The following TPRG1 variants were observed in gnomAD, a reference collection of about 807,000 sequenced individuals.
The protein encoded by TPRG1 is tumor protein p63-regulated gene 1 protein.
TPRG1 carries 29 observed loss-of-function variants against 29.3 expected under a neutral mutation model. That is an observed-to-expected ratio of 0.99 (90% CI 0.74 to 1.35). The LOEUF (loss-of-function observed/expected upper bound fraction) is 1.35, where lower values mean the gene tolerates loss of function less well. Among genes scored for constraint, TPRG1 ranks in the 40% most tolerant of loss-of-function variants. The probability of loss-of-function intolerance (pLI) is 0.00; values close to 1 mark genes in which losing one functional copy is unlikely to be tolerated. For synonymous variants in TPRG1, 130 were observed against 116.8 expected, an observed-to-expected ratio of 1.11 and a Z score of -0.73; for missense variants, 327 against 335.0, an observed-to-expected ratio of 0.98 and a Z score of 0.19.
intron 5 of TPRG1, among the ~76,000 whole-genome samples, chr3:189,160,226 T>C (rs1186112405): frequency 2.6e-5 from 4 of 152,138 alleles, no homozygotes; most frequent in Admixed American, 2.6e-4. Flanking sequence ...CCCAGTCAAT[T>C]GGCAGGTTGA....
rs565934383 is a variant in TPRG1 at position 189,080,923 on chromosome 3, C to A, written c.-462-46134C>A. ...CAGGGTAGATTTGAGTGAGAAGAGA[C>A]CAGAGGCAGGAAAGCCACAAAGGAA... On this transcript the variant is annotated intron_variant, in intron 4 of 10. Coordinates refer to the TPRG1 transcript ENST00000433971. 4.0e-5 allele frequency among the ~76,000 whole-genome samples: 6 copies of A among 151,488 alleles called. No individual in the cohort carries two copies. The East Asian group carries it at 1.2e-3, about 29-fold the overall frequency.
chr3:189,305,908 C>T (rs181180531), intron 4 of TPRG1, among the ~76,000 whole-genome samples: 1 of 152,290 alleles, frequency 6.6e-6, no homozygotes, highest in East Asian at 1.9e-4. Flanking sequence ...AGTACATTGT[C>T]CTTCTTACTT....
chr3:189,018,143 T>G (rs1338553923), intron 3 of TPRG1, among the ~76,000 whole-genome samples: 36 of 152,144 alleles, frequency 2.4e-4, no homozygotes, highest in African/African-American at 7.5e-4. Flanking sequence ...CTTTGTCAGA[T>G]GAGTAGGTTG....
At chr3:189,053,486 A>C (rs1715462527) in intron 4 of TPRG1, among the ~76,000 whole-genome samples, 1 of 152,196 alleles carries the variant, frequency 6.6e-6, no homozygotes, top group Admixed American at 6.5e-5. Context: ...AGATCACTGC[A>C]TACGGACAAT....
chr3:189,007,390 G>C (rs1319541107), intron 3 of TPRG1, among the ~76,000 whole-genome samples: 1 of 151,946 alleles, frequency 6.6e-6, no homozygotes, highest in East Asian at 1.9e-4. Context: ...TAAAAAGTCA[G>C]GAAACAACAG....
intron 5 of TPRG1, among the ~76,000 whole-genome samples, chr3:189,312,462 A>G (rs903757355): frequency 6.6e-6 from 1 of 152,114 alleles, no homozygotes. Context: ...ATATTTTTGA[A>G]TTAGTAGTAA....
intron 2 of TPRG1, among the ~76,000 whole-genome samples, chr3:189,130,455 A>G (rs1307306597): frequency 6.6e-6 from 1 of 152,370 alleles, no homozygotes; most frequent in East Asian, 1.9e-4. Flanking sequence ...TGGACCTTAC[A>G]GGTATAATCT....
chr3:189,059,052 T>A (rs1473950325), intron 4 of TPRG1, among the ~76,000 whole-genome samples: 1 of 152,138 alleles, frequency 6.6e-6, no homozygotes, highest in Non-Finnish European at 1.5e-5. Context: ...GTAGTAGCAG[T>A]TCTGGCTCCG....
intron 1 of TPRG1, among the ~76,000 whole-genome samples, chr3:189,191,225 T>C (rs752555854): frequency 6.6e-6 from 1 of 152,250 alleles, no homozygotes; most frequent in Non-Finnish European, 1.5e-5. Flanking sequence ...ACAGATGTTA[T>C]CGTTCTTCAT....
chr3:189,120,679 T>A (rs1009919788), intron 1 of TPRG1, among the ~76,000 whole-genome samples: 2 of 152,224 alleles, frequency 1.3e-5, no homozygotes, highest in Non-Finnish European at 2.9e-5. Context: ...ATGTCTAGGA[T>A]TAATCCTAAA....
chr3:189,019,669 T>A (rs2152124282), intron 3 of TPRG1, among the ~76,000 whole-genome samples: 1 of 152,224 alleles, frequency 6.6e-6, no homozygotes, highest in East Asian at 1.9e-4. Context: ...TCAATGTTCA[T>A]CAAGGATATT....
At chr3:189,296,561 A>T (rs1025563963) in intron 4 of TPRG1, among the ~76,000 whole-genome samples, 1 of 152,198 alleles carries the variant, frequency 6.6e-6, no homozygotes, top group Admixed American at 6.5e-5. Context: ...TAGTGATTGG[A>T]TCACTGTTGT....
At chr3:189,284,517 C>T (rs1717719024) in intron 4 of TPRG1, among the ~76,000 whole-genome samples, 1 of 151,982 alleles carries the variant, frequency 6.6e-6, no homozygotes, top group African/African-American at 2.4e-5. Flanking sequence ...ATCTGTGTCC[C>T]TACAAAGGAC....
intron 5 of TPRG1, among the ~76,000 whole-genome samples, chr3:189,164,759 C>T (rs948253654): frequency 6.6e-6 from 1 of 151,978 alleles, no homozygotes; most frequent in African/African-American, 2.4e-5. Context: ...TATTTGGGAA[C>T]AGCAGGTGTG....
At chr3:189,143,987 T>G (rs1236549416) in intron 3 of TPRG1, among the ~76,000 whole-genome samples, 1 of 152,204 alleles carries the variant, frequency 6.6e-6, no homozygotes, top group African/African-American at 2.4e-5. Context: ...TGTAGCTTCC[T>G]ACTTTAGGAT....
intron 4 of TPRG1, among the ~76,000 whole-genome samples, chr3:189,148,787 T>C (rs531701557): frequency 6.6e-6 from 1 of 152,328 alleles, no homozygotes; most frequent in East Asian, 1.9e-4. Context: ...AACTCTCTCA[T>C]TACTTGAAAT....
At chr3:189,034,052 T>C (rs901778526) in intron 4 of TPRG1, among the ~76,000 whole-genome samples, 1 of 152,224 alleles carries the variant, frequency 6.6e-6, no homozygotes, top group African/African-American at 2.4e-5. Flanking sequence ...TGTAGCTATG[T>C]GTCTTAATAA....
In TPRG1 at chr3:189,323,720, A is replaced by G. The variant is rs1724502078; in HGVS notation, c.*2900A>G. 6.6e-6 allele frequency: 1 copy of G among 152,126 alleles called. No individual in the cohort carries two copies. Among genetic ancestry groups the G allele is most frequent in the African/African-American group, 2.4e-5 (1 of 41,452 alleles). 9.4% of individuals were successfully genotyped at this position (152,126 alleles called of 1,614,324 possible). A position where few individuals can be genotyped will look rare whatever the true frequency, so the allele number is the denominator to read the frequency against. On this transcript the variant is annotated 3_prime_UTR_variant, in exon 6 of 6. Coordinates refer to ENST00000345063, the MANE Select transcript of TPRG1 (RefSeq NM_198485.4). ...CAGACTATCATTTGAACTTACCACT[A>G]CAGTTTAGCAAATGGCATGATGAGT...
chr3:189,171,114 T>G (rs1728763488), upstream of TPRG1, among the ~76,000 whole-genome samples: 1 of 152,242 alleles, frequency 6.6e-6, no homozygotes. Context: ...CACACTTGCT[T>G]AGGTTTCAGA....
Sources: allele counts gnomAD v4.1 joint callset (sites outside exome capture counted in the v4.1 genomes callset), GRCh38; gene constraint gnomAD v4.1.1; transcripts MANE v1.5; gene names NCBI Gene and HGNC (gene_info 2026-07-23, HGNC 2026-07-21).